Variants in PLA2R1 observed in about 807,000 individuals in gnomAD.
PLA2R1 encodes secretory phospholipase A2 receptor.
PLA2R1 carries 158 observed loss-of-function variants against 195.9 expected under a neutral mutation model. That is an observed-to-expected ratio of 0.81 (90% confidence interval 0.71 to 0.92). The LOEUF is 0.92. Ranked by LOEUF, PLA2R1 falls within the 40% of genes least tolerant of loss-of-function variation. The pLI, the probability that PLA2R1 is intolerant of heterozygous loss-of-function variation, is 0.00. For missense variants in PLA2R1, 1,626 were observed against 1,764.6 expected (o/e 0.92, Z 1.41); for synonymous variants, 586 against 598.2 (o/e 0.98, Z 0.30).
the PLA2R1 span, among the ~76,000 whole-genome samples, chr2:159,926,879 C>A: frequency 6.6e-6 from 1 of 152,144 alleles, no homozygotes; most frequent in Non-Finnish European, 1.5e-5. Context: ...TGGAGAGGAG[C>A]AGGTGACCAG....
chr2:159,996,471 G>A (rs1691218511), intron 11 of PLA2R1, among the ~76,000 whole-genome samples: 1 of 151,952 alleles, frequency 6.6e-6, no homozygotes, highest in African/African-American at 2.4e-5. Context: ...TCAAGATTTT[G>A]TCTTTATCTT....
chr2:159,969,995 T>C (rs568770559), intron 18 of PLA2R1, among the ~76,000 whole-genome samples, 153 bp downstream of exon 18: 277 of 152,340 alleles, frequency 1.8e-3, no homozygotes, highest in African/African-American at 6.0e-3. Flanking sequence ...GCATATTCTT[T>C]AAAAAACACT....
In PLA2R1 at chr2:160,005,645, T is replaced by C. The variant is rs1156589136; in HGVS notation, c.1834+7A>G. 6.2e-7 allele frequency: 1 copy of C among 1,611,562 alleles called. No homozygotes were observed. ...GGAGGGTTGGTGATGCAGCACACTC[T>C]ACTCACGCGGCTGGTGTGTGTTCCA... is the stretch of plus-strand genomic sequence containing the variant. On this transcript the variant is annotated splice_region_variant and intron_variant, in intron 11 of 29. Coordinates refer to ENST00000283243, the MANE Select transcript of PLA2R1 (RefSeq NM_007366.5).
At chr2:160,031,643 G>T (rs1221803214) in intron 4 of PLA2R1, among the ~76,000 whole-genome samples, 1 of 152,218 alleles carries the variant, frequency 6.6e-6, no homozygotes, top group Non-Finnish European at 1.5e-5. Context: ...CTACTTAAGT[G>T]GTAGAGGCAG....
In PLA2R1 at chr2:159,977,405, C is replaced by T. The variant is rs370828727; in HGVS notation, c.2280G>A (p.Ser760=). 197 of 1,612,796 alleles carry T rather than the reference C, an allele frequency of 1.2e-4. No individual in the cohort carries two copies. Among genetic ancestry groups the T allele is most frequent in the East Asian group, 2.5e-4 (11 of 44,816 alleles). Residue 760 remains serine (S), a synonymous_variant, in exon 15 of 30, where the codon TCG becomes TCA. Coordinates refer to ENST00000283243, the MANE Select transcript of PLA2R1 (RefSeq NM_007366.5). ...EWSDRTPVVS[S]FLDNTYFGED... ...CTCCAAAATAAGTGTTGTCTAAAAACGAAGAGACAACCTGCAGCAGATGAA... is the reference window on the plus strand; with the variant it reads ...CTCCAAAATAAGTGTTGTCTAAAAATGAAGAGACAACCTGCAGCAGATGAA...
chr2:159,931,412 C>A (rs886414442), downstream of PLA2R1, among the ~76,000 whole-genome samples: 1 of 152,044 alleles, frequency 6.6e-6, no homozygotes, highest in Admixed American at 6.6e-5. Context: ...TATGTGCCTG[C>A]GGGCCCAGCT....
intron 6 of PLA2R1, among the ~76,000 whole-genome samples, chr2:160,027,804 A>C (rs1377488258): frequency 6.6e-6 from 1 of 152,216 alleles, no homozygotes; most frequent in Admixed American, 6.5e-5. Flanking sequence ...GTGTGTTACT[A>C]ATAAGAGATT....
intron 19 of PLA2R1, among the ~76,000 whole-genome samples, chr2:159,969,051 T>C (rs1264695917): frequency 1.3e-5 from 2 of 152,176 alleles, no homozygotes; most frequent in Non-Finnish European, 2.9e-5. Flanking sequence ...TATTCAGATG[T>C]AAATTATTTC....
Position 160,044,914 on chromosome 2 carries a change from T to C in PLA2R1, c.353A>G (p.Asn118Ser), listed in dbSNP as rs1049775930. 1 of 1,614,162 alleles carries C rather than the reference T, an allele frequency of 6.2e-7. No homozygotes were observed. Among genetic ancestry groups the C allele is most frequent in the Non-Finnish European group, 8.5e-7 (1 of 1,180,006 alleles). The stretch of plus-strand genomic sequence containing the variant: ...CAGCGGGCCTGTGATCATCTTCCTG[T>C]TACAGCGCCACCGTAAGGAAACGAG... Reference protein sequence around the residue: ...STLVSLRWRCNRKMITGPLQY... With the variant: ...STLVSLRWRCSRKMITGPLQY... Residue 118 changes from asparagine to serine, a missense_variant, in exon 2 of 30, where the codon AAC becomes AGC. Physicochemically the swap from Asn to Ser is conservative, Grantham distance 46. Coordinates refer to ENST00000283243, the MANE Select transcript of PLA2R1 (RefSeq NM_007366.5).
At chr2:160,017,311 T>C (rs1238769919) in intron 8 of PLA2R1, among the ~76,000 whole-genome samples, 1 of 152,164 alleles carries the variant, frequency 6.6e-6, no homozygotes, top group Non-Finnish European at 1.5e-5. Flanking sequence ...TTGGCATTCC[T>C]AACAAGTTTT....
At chr2:159,985,974 C>T (rs1690296963) in intron 12 of PLA2R1, among the ~76,000 whole-genome samples, 1 of 152,062 alleles carries the variant, frequency 6.6e-6, no homozygotes, top group Non-Finnish European at 1.5e-5. Context: ...CAGGTGGCAC[C>T]TGGGATATAA....
chr2:159,975,904 G>GA (rs1442408256), intron 17 of PLA2R1, among the ~76,000 whole-genome samples, 164 bp downstream of exon 17: 1 of 151,912 alleles, frequency 6.6e-6, no homozygotes, highest in Admixed American at 6.6e-5. Flanking sequence ...TCTATAATAG[G>GA]AAAAAAATTC....
intron 4 of PLA2R1, among the ~76,000 whole-genome samples, chr2:160,029,659 T>A (rs1047365223): frequency 6.6e-5 from 10 of 152,212 alleles, no homozygotes; most frequent in Non-Finnish European, 1.2e-4. Context: ...GACATAGTTA[T>A]CAAAATTAAA....
At chr2:159,949,381 C>A (rs1217652970) in intron 25 of PLA2R1, among the ~76,000 whole-genome samples, 4 of 152,182 alleles carry the variant, frequency 2.6e-5, no homozygotes, top group African/African-American at 4.8e-5. Context: ...TTCTACCTTT[C>A]TCCAAATGAA....
chr2:159,977,537 T>G, intron 14 of PLA2R1, 121 bp from the exon 15 acceptor site: 1 of 682,424 alleles, frequency 1.5e-6, no homozygotes, highest in Non-Finnish European at 2.4e-6. Flanking sequence ...CAGAAATGTC[T>G]GGATGTCATT....
chr2:160,046,046 C>G (rs1694843179), intron 1 of PLA2R1, among the ~76,000 whole-genome samples: 1 of 152,238 alleles, frequency 6.6e-6, no homozygotes, highest in African/African-American at 2.4e-5. Context: ...TGCTACCTGA[C>G]TTAACCCAAG....
Position 160,013,378 on chromosome 2 carries a change from TA to T in PLA2R1, c.1552-4del. ...AATCCACCATGTCTCTCCCATCCCT[TA>T]AAAAGAATAAAAGGGAAATTAAGGA... On this transcript the variant is annotated splice_polypyrimidine_tract_variant and splice_region_variant and intron_variant, in intron 9 of 29. Coordinates refer to ENST00000283243, the MANE Select transcript of PLA2R1 (RefSeq NM_007366.5). 1 of 1,520,482 alleles carries T rather than the reference TA, an allele frequency of 6.6e-7. No individual in the cohort carries two copies. Among genetic ancestry groups the T allele is most frequent in the Non-Finnish European group, 9.1e-7 (1 of 1,097,566 alleles). 94.2% of individuals were successfully genotyped at this position (1,520,482 alleles called of 1,614,324 possible).
Position 160,008,212 on chromosome 2 carries a change from G to A in PLA2R1, c.1665-2391C>T, listed in dbSNP as rs1010974521. Among the ~76,000 whole-genome samples, 3 of 152,116 alleles carry A rather than the reference G, an allele frequency of 2.0e-5. No homozygotes were observed. The East Asian group carries it at 5.8e-4, about 29-fold the overall frequency. On this transcript the variant is annotated intron_variant, in intron 10 of 29. Coordinates refer to ENST00000283243, the MANE Select transcript of PLA2R1 (RefSeq NM_007366.5). ...TCCCAGCTACTCGGGAGGTCGAGGC[G>A]GGAGGATGGCTTGAGCCCAGGAGGT...
chr2:159,959,145 CT>C (rs1206793592), intron 20 of PLA2R1, among the ~76,000 whole-genome samples: 17 of 152,120 alleles, frequency 1.1e-4, no homozygotes, highest in Non-Finnish European at 2.1e-4. Flanking sequence ...TTCATTTTGC[CT>C]CTTTCCTCTA....
Sources: gnomAD v4.1 joint callset for allele counts (sites outside exome capture counted in the v4.1 genomes callset) on GRCh38, gnomAD v4.1.1 for gene constraint, MANE v1.5 for transcripts, NCBI Gene and HGNC (gene_info 2026-07-23, HGNC 2026-07-21) for gene names.